The following ANKH variants were observed in gnomAD, a reference collection of about 807,000 sequenced individuals.
ANKH encodes the protein mineralization regulator ANKH.
In ANKH, 15 loss-of-function variants were observed where a neutral mutation model predicts 49.0. The observed-to-expected ratio is 0.31, with a 90% confidence interval of 0.20 to 0.47. The LOEUF is 0.47. Among genes scored for constraint, ANKH ranks in the 20% least tolerant of loss-of-function variants. The pLI is 1.00. For synonymous variants in ANKH, 273 were observed against 260.0 expected (o/e 1.05, Z -0.48); for missense variants, 429 against 652.0 (o/e 0.66, Z 3.72).
intron 1 of ANKH, among the ~76,000 whole-genome samples, chr5:14,851,368 G>T (rs1000632773): frequency 6.6e-6 from 1 of 152,224 alleles, no homozygotes; most frequent in African/African-American, 2.4e-5. Context: ...AGGAAGATGG[G>T]TTCACCTCAG....
At chr5:14,777,640 C>T (rs1370924496) in intron 1 of ANKH, among the ~76,000 whole-genome samples, 3 of 152,154 alleles carry the variant, frequency 2.0e-5, no homozygotes, top group Non-Finnish European at 4.4e-5. Flanking sequence ...CCAATTCACC[C>T]CAATCCTGCC....
intron 1 of ANKH, among the ~76,000 whole-genome samples, chr5:14,864,445 G>C (rs1410170165): frequency 1.3e-5 from 2 of 152,136 alleles, no homozygotes; most frequent in Non-Finnish European, 2.9e-5. Flanking sequence ...GTCATCCTAA[G>C]AGAGGTATTT....
At chr5:14,739,261 A>G (rs1045834813) in intron 8 of ANKH, among the ~76,000 whole-genome samples, 1 of 152,094 alleles carries the variant, frequency 6.6e-6, no homozygotes, top group Non-Finnish European at 1.5e-5. Context: ...TACTAAAAAC[A>G]CAAAAATCAG....
chr5:14,755,413 A>G (rs1238795414), intron 4 of ANKH, among the ~76,000 whole-genome samples: 1 of 152,188 alleles, frequency 6.6e-6, no homozygotes, highest in Admixed American at 6.5e-5. Context: ...CTGCATGGTA[A>G]CAACAGAGGA....
chr5:14,785,877 C>A (rs112154636), intron 1 of ANKH, among the ~76,000 whole-genome samples: 13 of 151,510 alleles, frequency 8.6e-5, no homozygotes, highest in African/African-American at 2.9e-4. Flanking sequence ...AACCCCATCT[C>A]TACTAAAAAT....
chr5:14,762,744 G>A (rs1739129994), intron 2 of ANKH, among the ~76,000 whole-genome samples: 1 of 151,838 alleles, frequency 6.6e-6, no homozygotes, highest in Admixed American at 6.6e-5. Flanking sequence ...GGGGGGGTGG[G>A]GGGGTAATTT....
chr5:14,844,772 G>A (rs1052550976), intron 1 of ANKH, among the ~76,000 whole-genome samples: 1 of 152,138 alleles, frequency 6.6e-6, no homozygotes, highest in Non-Finnish European at 1.5e-5. Flanking sequence ...AATTTTTCAC[G>A]TTTGTTTTGA....
At chr5:14,732,243 C>T (rs1323801066) in intron 8 of ANKH, among the ~76,000 whole-genome samples, 1 of 152,108 alleles carries the variant, frequency 6.6e-6, no homozygotes, top group Admixed American at 6.5e-5. Context: ...GAAGATGGGG[C>T]TCTGGTAGCA....
intron 6 of ANKH, among the ~76,000 whole-genome samples, chr5:14,748,369 C>T (rs1006265169): frequency 5.3e-5 from 8 of 152,222 alleles, no homozygotes; most frequent in African/African-American, 7.2e-5. Context: ...ATGCTGACAG[C>T]GCAGTAAGGG....
intron 1 of ANKH, among the ~76,000 whole-genome samples, chr5:14,795,857 C>CA (rs199499798): frequency 0.13 from 14,941 of 111,976 alleles, 756 homozygotes; most frequent in Admixed American, 0.16. Flanking sequence ...GACTGTGTCT[C>CA]AAAAAAAAAA....
At position 14,725,517 on chromosome 5, in the gene ANKH, C is replaced by T. The variant is rs1415299320; in HGVS notation, c.1012-8682G>A. 6.6e-6 allele frequency among the ~76,000 whole-genome samples: 1 copy of T among 152,322 alleles called. No individual in the cohort carries two copies. Among genetic ancestry groups the T allele is most frequent in the South Asian group, 2.1e-4 (1 of 4,832 alleles). On this transcript the variant is annotated intron_variant, in intron 8 of 11. Coordinates refer to ENST00000284268, the MANE Select transcript of ANKH (RefSeq NM_054027.6). This position sits in a 1 kb window ranked among gnomAD's most constrained non-coding sequence, Gnocchi z 4.0. ...GACCTCTGGCACTCATCTGCAAACC[C>T]CGAGCCTGCGAGCACTGCAGTTTGC... is the stretch of plus-strand genomic sequence containing the variant.
At chr5:14,758,019 A>G (rs998653084) in intron 3 of ANKH, among the ~76,000 whole-genome samples, 1 of 152,250 alleles carries the variant, frequency 6.6e-6, no homozygotes, top group Non-Finnish European at 1.5e-5. Context: ...AGGTGGAAGC[A>G]ACGCAAGTGT....
rs557455161 is a variant in ANKH at position 14,708,666 on chromosome 5, A to G, written c.*2531T>C. 6 of 152,324 alleles carry G rather than the reference A, an allele frequency of 3.9e-5. No homozygotes were observed. The highest frequency in any genetic ancestry group is 6.5e-5 in the Admixed American group (1 of 15,302). The allele number at this position is 152,324 out of a possible 1,614,324, so 9.4% of individuals were successfully genotyped here. A position where few individuals can be genotyped will look rare whatever the true frequency, so the allele number is the denominator to read the frequency against. On this transcript the variant is annotated 3_prime_UTR_variant, in exon 12 of 12. Transcript: ENST00000284268. ...TGACTTAAGCAGCCCAAGTGAAGAA[A>G]ATGTACGAAGAAGGATCACGTGCTT... is the stretch of plus-strand genomic sequence containing the variant.
intron 7 of ANKH, among the ~76,000 whole-genome samples, chr5:14,742,699 C>T (rs997913992): frequency 1.3e-5 from 2 of 152,340 alleles, no homozygotes; most frequent in Non-Finnish European, 2.9e-5. Flanking sequence ...TAACGCCCTG[C>T]GTGTCTCCCC....
chr5:14,800,727 C>CTTTTTTT (rs901835855), intron 1 of ANKH, among the ~76,000 whole-genome samples: 2 of 135,314 alleles, frequency 1.5e-5, no homozygotes. Context: ...CATTTTTTTT[C>CTTTTTTT]TTTTTTTTTT....
intron 1 of ANKH, chr5:14,796,984 T>G: frequency 9.1e-7 from 1 of 1,102,378 alleles, no homozygotes. Flanking sequence ...CACCCACTGT[T>G]TGGGCTAATA....
chr5:14,848,807 C>A (rs1580115760), intron 1 of ANKH, among the ~76,000 whole-genome samples: 1 of 152,210 alleles, frequency 6.6e-6, no homozygotes, highest in East Asian at 1.9e-4. Context: ...CCTTGTAATC[C>A]GTGAGGCCAA....
chr5:14,861,331 G>A (rs959337772), intron 1 of ANKH, among the ~76,000 whole-genome samples: 1 of 152,070 alleles, frequency 6.6e-6, no homozygotes, highest in Non-Finnish European at 1.5e-5. Flanking sequence ...CTGGTTCCTG[G>A]TTCATCTGGC....
intron 2 of ANKH, chr5:14,768,601 A>C (rs528306921): frequency 3.3e-6 from 1 of 299,220 alleles, no homozygotes; most frequent in South Asian, 3.8e-5. Flanking sequence ...ATAAGCATTA[A>C]TTCTAAATAA....
Sources: gnomAD v4.1 joint callset for allele counts (sites outside exome capture counted in the v4.1 genomes callset) on GRCh38, gnomAD v4.1.1 for gene constraint, Gnocchi (gnomAD v3.1) non-coding constraint, MANE v1.5 for transcripts, NCBI Gene and HGNC (gene_info 2026-07-23, HGNC 2026-07-21) for gene names.